Variants in ANKRD10 observed in about 807,000 individuals in gnomAD.
The protein encoded by ANKRD10 is ankyrin repeat domain 10.
Under a neutral mutation model 27.0 loss-of-function variants are expected in ANKRD10, and 14 were observed. The ratio of observed to expected loss-of-function variants is 0.52; its 90% confidence interval spans 0.34 to 0.81. The LOEUF (loss-of-function observed/expected upper bound fraction) is 0.81. Among genes scored for constraint, ANKRD10 ranks in the 40% least tolerant of loss-of-function variants. ANKRD10 has a pLI of 0.01. For synonymous variants in ANKRD10, 250 were observed against 224.5 expected (o/e 1.11, Z -1.01); for missense variants, 493 against 544.0 (o/e 0.91, Z 0.93).
Position 110,914,999 on chromosome 13 carries a change from C to T in ANKRD10, c.-65G>A. 3 of 1,487,540 alleles carry T rather than the reference C, an allele frequency of 2.0e-6. No individual in the cohort carries two copies. The highest frequency in any genetic ancestry group is 2.7e-6 in the Non-Finnish European group (3 of 1,123,728). The allele number at this position is 1,487,540 out of a possible 1,614,324, so 92.1% of individuals were successfully genotyped here. A position where few individuals can be genotyped will look rare whatever the true frequency, so the allele number is the denominator to read the frequency against. ...GACGCGTCGGGGAGGACTCGAGAAG[C>T]CGCCGCCGCAGCACAAAGGAACGAG... On this transcript the variant is annotated 5_prime_UTR_variant, in exon 1 of 6. Coordinates refer to ENST00000267339, the MANE Select transcript of ANKRD10 (RefSeq NM_017664.4).
At chr13:110,908,873 T>C (rs1020076428) in intron 2 of ANKRD10, among the ~76,000 whole-genome samples, 3 of 152,206 alleles carry the variant, frequency 2.0e-5, no homozygotes, top group Non-Finnish European at 4.4e-5. Flanking sequence ...CCAAATGATA[T>C]GCACTAGGCA....
chr13:110,909,603 C>A (rs1394572053), intron 2 of ANKRD10, among the ~76,000 whole-genome samples: 2 of 152,206 alleles, frequency 1.3e-5, no homozygotes, highest in African/African-American at 4.8e-5. Flanking sequence ...ATTTTCTTTT[C>A]TACTTCACAT....
intron 2 of ANKRD10, among the ~76,000 whole-genome samples, chr13:110,906,612 T>G (rs186467687): frequency 3.7e-4 from 57 of 152,300 alleles, no homozygotes; most frequent in African/African-American, 1.3e-3. Context: ...TCTTGAATCT[T>G]CTGCTTTGAA....
chr13:110,901,683 T>TC (rs1377076473), intron 3 of ANKRD10, among the ~76,000 whole-genome samples: 2 of 152,170 alleles, frequency 1.3e-5, no homozygotes. Context: ...AACTGATTCC[T>TC]CCATCCTGAA....
chr13:110,907,769 G>C (rs2065578942), intron 2 of ANKRD10, among the ~76,000 whole-genome samples: 2 of 152,140 alleles, frequency 1.3e-5, no homozygotes, highest in Non-Finnish European at 2.9e-5. Context: ...GAGGTGAGGA[G>C]GGGAGAGAAG....
At chr13:110,888,208 G>A (rs1290230541) in intron 4 of ANKRD10, among the ~76,000 whole-genome samples, 1 of 150,642 alleles carries the variant, frequency 6.6e-6, no homozygotes, top group Non-Finnish European at 1.5e-5. Context: ...TAATACAAAA[G>A]CGGCTTGTGA....
At position 110,879,921 on chromosome 13, in the gene ANKRD10, A is replaced by G; in HGVS notation, c.979T>C (p.Cys327Arg). The G allele has an allele frequency of 1.9e-6, 3 of 1,614,218 alleles. No homozygotes were observed. Among genetic ancestry groups the G allele is most frequent in the African/African-American group, 1.3e-5 (1 of 75,068 alleles). ...TCTGGCTCCTCAGTCCCACTAATGC[A>G]GAGAGAACCCTGGCTACTCGGAAAC... The part of the protein sequence containing the change: ...QPFPSSQGSL[C>R]ISGTEEPEKT... Residue 327 changes from cysteine (C) to arginine (R), a missense_variant, in exon 6 of 6, where the codon TGC (cysteine) becomes CGC (arginine). By Grantham distance (180) the Cys-to-Arg change is radical. Transcript: ENST00000267339.
chr13:110,907,444 C>G (rs60868252), intron 2 of ANKRD10, among the ~76,000 whole-genome samples: 52,245 of 151,914 alleles, frequency 0.34, 9,494 homozygotes, highest in South Asian at 0.43. Flanking sequence ...CCTAAACTCA[C>G]TAAATAGCTA....
intron 2 of ANKRD10, among the ~76,000 whole-genome samples, chr13:110,907,841 G>C (rs2065580830): frequency 6.6e-6 from 1 of 151,844 alleles, no homozygotes; most frequent in African/African-American, 2.4e-5. Flanking sequence ...CTGGAGCTGA[G>C]ATTTAGATAA....
At chr13:110,894,183 C>T (rs1425625142) in intron 3 of ANKRD10, 12 of 1,611,936 alleles carry the variant, frequency 7.4e-6, no homozygotes, top group Non-Finnish European at 6.8e-6. Context: ...CAAGAATGTA[C>T]ACTGCTCTGT....
At chr13:110,907,767 G>A (rs746049947) in intron 2 of ANKRD10, among the ~76,000 whole-genome samples, 1 of 152,156 alleles carries the variant, frequency 6.6e-6, no homozygotes, top group Non-Finnish European at 1.5e-5. Context: ...GAGAGGTGAG[G>A]AGGGGAGAGA....
intron 3 of ANKRD10, chr13:110,899,139 G>A (rs1034478408): frequency 2.6e-5 from 4 of 152,122 alleles, no homozygotes; most frequent in Non-Finnish European, 5.9e-5. Flanking sequence ...GGCACTAACT[G>A]CTGGCCACTC....
At chr13:110,883,476 T>A (rs916870822) in intron 5 of ANKRD10, 1 of 1,278,756 alleles carries the variant, frequency 7.8e-7, no homozygotes, top group African/African-American at 1.5e-5. Context: ...AATTATAGTA[T>A]AACATTTTTA....
At chr13:110,905,907 A>C in intron 3 of ANKRD10, 126 bp downstream of exon 3, 4 of 880,948 alleles carry the variant, frequency 4.5e-6, no homozygotes, top group Non-Finnish European at 6.8e-6. Flanking sequence ...ACTGTTCTAA[A>C]AGGCAAAATT....
chr13:110,914,972 A>G lies in ANKRD10; in HGVS notation c.-38T>C, dbSNP rs977115398. On this transcript the variant is annotated 5_prime_UTR_variant, in exon 1 of 6. Transcript: ENST00000267339. ...GAGAGCGCGGGGCTCGCTGGCCTAG[A>G]GGACGCGTCGGGGAGGACTCGAGAA... 1.6e-5 allele frequency: 25 copies of G among 1,516,420 alleles called. No homozygotes were observed. Among genetic ancestry groups the G allele is most frequent in the Non-Finnish European group, 2.2e-5 (25 of 1,137,282 alleles). The allele number at this position is 1,516,420 out of a possible 1,614,324, so 93.9% of individuals were successfully genotyped here. A position where few individuals can be genotyped will look rare whatever the true frequency, so the allele number is the denominator to read the frequency against.
intron 4 of ANKRD10, among the ~76,000 whole-genome samples, chr13:110,887,100 G>A (rs186491936): frequency 2.1e-3 from 324 of 152,290 alleles, no homozygotes; most frequent in African/African-American, 7.2e-3. Flanking sequence ...AGTAGAGCAC[G>A]CCTCTGGCTG....
chr13:110,880,980 T>C (rs774259348), intron 5 of ANKRD10, among the ~76,000 whole-genome samples: 1 of 152,226 alleles, frequency 6.6e-6, no homozygotes, highest in Non-Finnish European at 1.5e-5. Flanking sequence ...GGTAGTTTAA[T>C]CTGCATATAC....
chr13:110,893,441 T>C (rs538025369), intron 3 of ANKRD10, among the ~76,000 whole-genome samples, 178 bp from the exon 4 acceptor site: 2 of 152,344 alleles, frequency 1.3e-5, no homozygotes, highest in East Asian at 1.9e-4. Context: ...TTATATACAT[T>C]TGATTTCTAA....
intron 3 of ANKRD10, 89 bp from the exon 4 acceptor site, chr13:110,893,352 G>A (rs1291836592): frequency 8.2e-7 from 1 of 1,225,664 alleles, no homozygotes; most frequent in African/African-American, 1.5e-5. Flanking sequence ...TCTGAAGGTG[G>A]TATGAAAGAG....
Sources: allele counts gnomAD v4.1 joint callset (sites outside exome capture counted in the v4.1 genomes callset), GRCh38; gene constraint gnomAD v4.1.1; transcripts MANE v1.5; gene names NCBI Gene and HGNC (gene_info 2026-07-23, HGNC 2026-07-21).